The following FANCC variants were observed in gnomAD, a reference collection of about 807,000 sequenced individuals.
FANCC encodes FA complementation group C.
In FANCC, 55 loss-of-function variants were observed where a neutral mutation model predicts 71.3. The ratio of observed to expected loss-of-function variants is 0.77; its 90% CI spans 0.62 to 0.97. The LOEUF is 0.97. FANCC is among the 50% of genes least tolerant of loss of function. FANCC has a pLI of 0.00. For missense variants in FANCC, 678 were observed against 670.9 expected (o/e 1.01, Z -0.12); for synonymous variants, 275 against 244.9 (o/e 1.12, Z -1.15).
chr9:95,139,167 G>T (rs898689656), intron 7 of FANCC, among the ~76,000 whole-genome samples: 6 of 152,162 alleles, frequency 3.9e-5, no homozygotes, highest in Non-Finnish European at 8.8e-5. Context: ...CACAGAAAAA[G>T]AACTGCAAAT....
intron 7 of FANCC, 86 bp downstream of exon 7, chr9:95,149,837 T>C: frequency 2.8e-6 from 4 of 1,441,268 alleles, no homozygotes; most frequent in Non-Finnish European, 3.8e-6. Context: ...GTTTGGACAC[T>C]GCTGTCGTAC....
At chr9:95,267,884 T>C (rs1485037702) in intron 1 of FANCC, among the ~76,000 whole-genome samples, 1 of 152,170 alleles carries the variant, frequency 6.6e-6, no homozygotes, top group Admixed American at 6.5e-5. Context: ...AAAAACTCAG[T>C]GCACAAGATA....
chr9:95,161,944 C>T (rs1031317406), intron 6 of FANCC, among the ~76,000 whole-genome samples: 8 of 151,632 alleles, frequency 5.3e-5, no homozygotes, highest in Admixed American at 2.6e-4. Flanking sequence ...CAGGTTCAAG[C>T]GATTCTCCTG....
At chr9:95,250,955 C>T (rs1831294130) in intron 1 of FANCC, among the ~76,000 whole-genome samples, 1 of 152,238 alleles carries the variant, frequency 6.6e-6, no homozygotes, top group South Asian at 2.1e-4. Flanking sequence ...CTCCCAGCTG[C>T]TTGCTGGAGT....
intron 10 of FANCC, among the ~76,000 whole-genome samples, chr9:95,118,977 G>T (rs778821431): frequency 3.9e-5 from 6 of 152,146 alleles, no homozygotes; most frequent in Non-Finnish European, 5.9e-5. Flanking sequence ...GTTTAACATC[G>T]TAAGGCCATA....
chr9:95,260,591 A>G (rs1831969520), intron 1 of FANCC, among the ~76,000 whole-genome samples: 1 of 150,458 alleles, frequency 6.6e-6, no homozygotes, highest in East Asian at 2.0e-4. Context: ...CCTAATGTAG[A>G]TGACAGGTTG....
intron 1 of FANCC, among the ~76,000 whole-genome samples, chr9:95,291,993 T>TATATATATA (rs1834048581): frequency 3.2e-5 from 4 of 124,442 alleles, no homozygotes; most frequent in Non-Finnish European, 5.2e-5. Context: ...TATATATATA[T>TATATATATA]TAAGACCCCA....
chr9:95,189,178 TC>T (rs1826924134), intron 4 of FANCC, among the ~76,000 whole-genome samples: 1 of 152,074 alleles, frequency 6.6e-6, no homozygotes, highest in Non-Finnish European at 1.5e-5. Context: ...TGCTTCAAAA[TC>T]CTGCCTTCAA....
At chr9:95,232,792 A>G (rs1163384289) in intron 4 of FANCC, among the ~76,000 whole-genome samples, 1 of 152,200 alleles carries the variant, frequency 6.6e-6, no homozygotes, top group Non-Finnish European at 1.5e-5. Flanking sequence ...TGTTTTTCTC[A>G]GCTATGTTTT....
chr9:95,204,768 G>A (rs1045672368), intron 4 of FANCC, among the ~76,000 whole-genome samples: 6 of 152,066 alleles, frequency 3.9e-5, no homozygotes, highest in Non-Finnish European at 7.4e-5. Flanking sequence ...AAATCCAAGA[G>A]CAAGTTAAAT....
chr9:95,160,185 A>G (rs1029837723), intron 6 of FANCC, among the ~76,000 whole-genome samples: 11 of 152,276 alleles, frequency 7.2e-5, no homozygotes, highest in Admixed American at 1.3e-4. Context: ...TCTTTAATCC[A>G]TCTTGAATTA....
At chr9:95,181,592 G>C (rs992054459) in intron 4 of FANCC, among the ~76,000 whole-genome samples, 6 of 152,140 alleles carry the variant, frequency 3.9e-5, no homozygotes, top group African/African-American at 1.2e-4. Flanking sequence ...AACTCCCTCA[G>C]TTTACTAATG....
intron 4 of FANCC, among the ~76,000 whole-genome samples, chr9:95,226,788 T>C (rs1325980894): frequency 1.3e-5 from 2 of 152,110 alleles, no homozygotes; most frequent in Non-Finnish European, 2.9e-5. Context: ...AAGTGCAATA[T>C]CTGTGAAGGA....
intron 4 of FANCC, among the ~76,000 whole-genome samples, chr9:95,190,212 T>A (rs1019965338): frequency 6.6e-6 from 1 of 151,860 alleles, no homozygotes; most frequent in African/African-American, 2.4e-5. Context: ...ATGGAAGGAG[T>A]GTCTCTGCTC....
At chr9:95,284,293 G>C (rs1833542363) in intron 1 of FANCC, among the ~76,000 whole-genome samples, 2 of 152,298 alleles carry the variant, frequency 1.3e-5, no homozygotes, top group South Asian at 4.1e-4. Flanking sequence ...AAATATTAGA[G>C]TCAGAGGTTT....
At chr9:95,282,055 T>TA (rs1714094106) in intron 1 of FANCC, among the ~76,000 whole-genome samples, 1 of 151,406 alleles carries the variant, frequency 6.6e-6, no homozygotes, top group Non-Finnish European at 1.5e-5. Context: ...TACCTACCAA[T>TA]AATTACTTTG....
intron 4 of FANCC, among the ~76,000 whole-genome samples, chr9:95,201,463 T>C (rs1312186974): frequency 2.6e-5 from 4 of 152,186 alleles, no homozygotes; most frequent in African/African-American, 9.7e-5. Context: ...GCCAAAGAAT[T>C]GAAGGCCTGG....
At chr9:95,144,254 C>T (rs1229945348) in intron 7 of FANCC, among the ~76,000 whole-genome samples, 6 of 152,306 alleles carry the variant, frequency 3.9e-5, no homozygotes, top group South Asian at 4.1e-4. Context: ...CCAGCTCTTA[C>T]GCCACTGCTT....
rs1554827101 is a variant in FANCC, at chr9:95,101,709, A to AGACTT, written c.1670_1674dup (p.Ter559LysfsTer25). ...CACCCACACGGCCTGCGTGCCTTCT[A>AGACTT]GACTTGAGTTCGCAGCTCTTTAAGG... On this transcript the variant is annotated frameshift_variant, in exon 15 of 15. Transcript: ENST00000289081. LOFTEE classifies it high-confidence loss of function. 6.2e-7 allele frequency: 1 copy of AGACTT among 1,613,818 alleles called. No homozygotes were observed. The highest frequency in any genetic ancestry group is 1.3e-5 in the African/African-American group (1 of 75,002).
Sources: gnomAD v4.1 joint callset for allele counts (sites outside exome capture counted in the v4.1 genomes callset) on GRCh38, gnomAD v4.1.1 for gene constraint, MANE v1.5 for transcripts, NCBI Gene and HGNC (gene_info 2026-07-23, HGNC 2026-07-21) for gene names.